NCAM2: variants seen among roughly 807,000 people sequenced by gnomAD.
The protein encoded by NCAM2 is neural cell adhesion molecule 2.
In NCAM2, 30 loss-of-function variants were observed where a neutral mutation model predicts 98.1. The ratio of observed to expected loss-of-function variants is 0.31; its 90% CI spans 0.23 to 0.41. NCAM2 has a LOEUF of 0.41. Among genes scored for constraint, NCAM2 ranks in the 10% least tolerant of loss-of-function variants. The probability of loss-of-function intolerance (pLI) is 1.00; values close to 1 mark genes in which losing one functional copy is unlikely to be tolerated. For synonymous variants in NCAM2, 368 were observed against 342.4 expected, an observed-to-expected ratio of 1.07 and a Z score of -0.83; for missense variants, 867 against 1,005.8, an observed-to-expected ratio of 0.86 and a Z score of 1.87.
chr21:21,473,530 CG>C (rs1407291009), intron 14 of NCAM2, among the ~76,000 whole-genome samples: 1 of 151,080 alleles, frequency 6.6e-6, no homozygotes, highest in East Asian at 1.9e-4. Flanking sequence ...ATCCAGGAAC[CG>C]GGAACTGCTT....
intron 5 of NCAM2, among the ~76,000 whole-genome samples, chr21:21,308,610 A>G (rs2073952623): frequency 6.6e-6 from 1 of 152,080 alleles, no homozygotes; most frequent in South Asian, 2.1e-4. Context: ...AGCTTTCTTC[A>G]TCATACTTGT....
chr21:21,407,368 T>A (rs929766157), intron 9 of NCAM2, among the ~76,000 whole-genome samples: 2 of 152,250 alleles, frequency 1.3e-5, no homozygotes, highest in African/African-American at 4.8e-5. Flanking sequence ...GTATAGCATG[T>A]ATTGCCTGTA....
intron 1 of NCAM2, among the ~76,000 whole-genome samples, chr21:21,258,645 C>T (rs1398231862): frequency 6.6e-6 from 1 of 152,180 alleles, no homozygotes; most frequent in Admixed American, 6.5e-5. Context: ...GGCTGGCTTG[C>T]AGCTGAGCCT....
chr21:21,216,777 T>G (rs2069920140), intron 1 of NCAM2, among the ~76,000 whole-genome samples: 1 of 152,168 alleles, frequency 6.6e-6, no homozygotes, highest in Non-Finnish European at 1.5e-5. Context: ...GAGGATTTCT[T>G]TCCTCTGAAA....
intron 9 of NCAM2, among the ~76,000 whole-genome samples, chr21:21,382,650 G>GGATT (rs2076182266): frequency 6.6e-6 from 1 of 151,752 alleles, no homozygotes; most frequent in Non-Finnish European, 1.5e-5. Context: ...TGAGTAGCTG[G>GGATT]GATTACAGGT....
chr21:21,067,722 G>A (rs1341931506), intron 1 of NCAM2, among the ~76,000 whole-genome samples: 1 of 152,096 alleles, frequency 6.6e-6, no homozygotes, highest in Non-Finnish European at 1.5e-5. Context: ...AAGTAGACTT[G>A]CATAAATTAT....
rs116996778 is a variant in NCAM2 at position 21,130,331 on chromosome 21, G to A, written c.55+131713G>A. ...CTGGGGAAATTAATATTGTCAATAG[G>A]ATTTTATTAAATGTAGTTAATAAAA... On this transcript the variant is annotated intron_variant, in intron 1 of 17. Transcript: ENST00000400546. Among the ~76,000 whole-genome samples the A allele has an allele frequency of 6.0e-4, 91 of 152,166 alleles. No homozygotes were observed. The East Asian group carries it at 0.016, about 27-fold the overall frequency.
At chr21:21,260,702 A>C (rs1419690330) in intron 1 of NCAM2, among the ~76,000 whole-genome samples, 1 of 152,188 alleles carries the variant, frequency 6.6e-6, no homozygotes, top group Non-Finnish European at 1.5e-5. Flanking sequence ...GAAATGCTCA[A>C]AGGAGTCCTA....
intron 1 of NCAM2, among the ~76,000 whole-genome samples, chr21:21,204,799 G>A (rs1465388339): frequency 1.3e-5 from 2 of 152,070 alleles, no homozygotes; most frequent in Non-Finnish European, 2.9e-5. Context: ...TCTGGAAAAT[G>A]TTTTTCTTAA....
At chr21:21,343,722 CA>C (rs1480384699) in intron 8 of NCAM2, among the ~76,000 whole-genome samples, 6 of 152,156 alleles carry the variant, frequency 3.9e-5, no homozygotes, top group Admixed American at 1.3e-4. Flanking sequence ...TCCAGCGGTA[CA>C]AACTTGAGTG....
chr21:21,396,161 GAA>G (rs34951356), intron 9 of NCAM2, among the ~76,000 whole-genome samples: 35,731 of 137,662 alleles, frequency 0.26, 4,383 homozygotes, highest in East Asian at 0.31. Context: ...AAATCAGCAA[GAA>G]AAAAAAAAAA....
intron 16 of NCAM2, among the ~76,000 whole-genome samples, chr21:21,509,779 T>G (rs1988244198): frequency 6.6e-6 from 1 of 152,174 alleles, no homozygotes; most frequent in Admixed American, 6.6e-5. Flanking sequence ...GATATAGATC[T>G]AATTTCAAAA....
At chr21:21,308,427 A>G (rs914113190) in intron 5 of NCAM2, among the ~76,000 whole-genome samples, 1 of 152,122 alleles carries the variant, frequency 6.6e-6, no homozygotes, top group Non-Finnish European at 1.5e-5. Flanking sequence ...TTTTTTCAGT[A>G]CTATAAACAT....
At chr21:21,442,203 A>G (rs570530630) in intron 12 of NCAM2, among the ~76,000 whole-genome samples, 40 of 152,076 alleles carry the variant, frequency 2.6e-4, no homozygotes, top group Admixed American at 1.1e-3. Context: ...AAAGAGTGCA[A>G]TAAGGCGGAA....
chr21:21,099,270 T>A (rs2066188770), intron 1 of NCAM2, among the ~76,000 whole-genome samples: 2 of 151,878 alleles, frequency 1.3e-5, no homozygotes, highest in Admixed American at 6.6e-5. Flanking sequence ...ATTATTGGTT[T>A]TGGTGTCACC....
intron 15 of NCAM2, among the ~76,000 whole-genome samples, chr21:21,504,234 G>T (rs1023481891): frequency 3.3e-5 from 5 of 151,806 alleles, no homozygotes; most frequent in African/African-American, 1.2e-4. Context: ...CATTTTAGGG[G>T]TTAGTATGTG....
At chr21:21,247,810 A>T (rs148398968) in intron 1 of NCAM2, among the ~76,000 whole-genome samples, 2 of 152,204 alleles carry the variant, frequency 1.3e-5, no homozygotes, top group Admixed American at 6.5e-5. Context: ...GAATCAATTT[A>T]TCTGAATGAA....
chr21:21,338,926 A>C (rs1193177166), intron 8 of NCAM2, among the ~76,000 whole-genome samples: 2 of 152,188 alleles, frequency 1.3e-5, no homozygotes, highest in Non-Finnish European at 2.9e-5. Flanking sequence ...CATTTTAAAA[A>C]CAGGAATAAA....
At chr21:21,068,739 A>G (rs1265658807) in intron 1 of NCAM2, among the ~76,000 whole-genome samples, 2 of 152,130 alleles carry the variant, frequency 1.3e-5, no homozygotes, top group Non-Finnish European at 2.9e-5. Flanking sequence ...TTTGTATGCA[A>G]TGACCAATGA....
Sources: allele counts gnomAD v4.1 joint callset (sites outside exome capture counted in the v4.1 genomes callset), GRCh38; gene constraint gnomAD v4.1.1; transcripts MANE v1.5; gene names NCBI Gene and HGNC (gene_info 2026-07-23, HGNC 2026-07-21).